Variants in AMMECR1L observed in about 807,000 individuals in gnomAD.
AMMECR1L encodes the protein AMMECR1-like protein.
A neutral mutation model predicts 36.8 loss-of-function variants in AMMECR1L; 4 were observed. That is an observed-to-expected ratio of 0.11 (90% CI 0.05 to 0.25). AMMECR1L has a LOEUF of 0.25. Among genes scored for constraint, AMMECR1L ranks in the 10% least tolerant of loss-of-function variants. The pLI is 1.00. For missense variants in AMMECR1L, 232 were observed against 392.1 expected, an observed-to-expected ratio of 0.59 and a Z score of 3.45; for synonymous variants, 147 against 148.0, an observed-to-expected ratio of 0.99 and a Z score of 0.05.
rs774990044 is a variant in AMMECR1L at position 127,869,583 on chromosome 2, T to C, written c.634-39A>G. 2 of 1,517,570 alleles carry C rather than the reference T, an allele frequency of 1.3e-6. No individual in the cohort carries two copies. Among genetic ancestry groups the C allele is most frequent in the Non-Finnish European group, 1.8e-6 (2 of 1,092,314 alleles). The allele number at this position is 1,517,570 out of a possible 1,614,324, so 94.0% of individuals were successfully genotyped here. A position where few individuals can be genotyped will look rare whatever the true frequency, so the allele number is the denominator to read the frequency against. On this transcript the variant is annotated intron_variant, in intron 5 of 7. Transcript: ENST00000272647. This position sits in a 1 kb window ranked among gnomAD's most constrained non-coding sequence, Gnocchi z 4.7. ...TACAACCAAGTAAATGGCATTTACTTACTCTAATGGAACTTCAGTCCCCAC... is the reference window on the plus strand; with the variant it reads ...TACAACCAAGTAAATGGCATTTACTCACTCTAATGGAACTTCAGTCCCCAC...
In AMMECR1L at chr2:127,873,648, T is replaced by C; in HGVS notation, c.407+180A>G. The C allele has an allele frequency of 1.0e-6, 1 of 985,472 alleles. No homozygotes were observed. 61.0% of individuals were successfully genotyped at this position (985,472 alleles called of 1,614,324 possible). On this transcript the variant is annotated intron_variant, in intron 3 of 7. Coordinates refer to ENST00000272647, the MANE Select transcript of AMMECR1L (RefSeq NM_001199140.2). The surrounding 1 kb of genome is among the most constrained non-coding windows in gnomAD (Gnocchi z 5.2). ...CTCCTCCAAATGTGAACTGCTCCCT[T>C]CCATTACTGAATCCACTGAATGTTT...
rs893124231 is a variant in AMMECR1L at position 127,862,809 on chromosome 2, C to T, written c.*2285G>A. The T allele has an allele frequency of 6.6e-6, 1 of 152,214 alleles. No individual in the cohort carries two copies. Among genetic ancestry groups the T allele is most frequent in the African/African-American group, 2.4e-5 (1 of 41,334 alleles). 9.4% of individuals were successfully genotyped at this position (152,214 alleles called of 1,614,324 possible). A position where few individuals can be genotyped will look rare whatever the true frequency, so the allele number is the denominator to read the frequency against. On this transcript the variant is annotated 3_prime_UTR_variant, in exon 8 of 8. Transcript: ENST00000272647. ...CACTGATTTTTTTTTCCCCATTTCTCGGGTTTTAAAATTTTCTATTCATTT... is the reference window on the plus strand; with the variant it reads ...CACTGATTTTTTTTTCCCCATTTCTTGGGTTTTAAAATTTTCTATTCATTT...
rs529201592 is a variant in AMMECR1L, at chr2:127,882,359, C to T, written c.-39+1844G>A. 5.3e-5 allele frequency among the ~76,000 whole-genome samples: 8 copies of T among 152,300 alleles called. No homozygotes were observed. In the East Asian group the frequency reaches 1.3e-3, roughly 26 times the overall value. ...GAACAAGCTGTTGTTTCCTTTGTGA[C>T]ACAGAGTTGACTTGAAATTCAATTT... On this transcript the variant is annotated intron_variant, in intron 2 of 7. Transcript: ENST00000272647.
rs1441279706 is a variant in AMMECR1L, at chr2:127,873,981, G to A, written c.254C>T (p.Ala85Val). 7 of 1,614,232 alleles carry A rather than the reference G, an allele frequency of 4.3e-6. No individual in the cohort carries two copies. Among genetic ancestry groups the A allele is most frequent in the East Asian group, 2.2e-5 (1 of 44,890 alleles). ...PITRMNPASG[A>V]LSPLPRPNGT... ...ATTAGGCCGGGGAAGAGGGCTCAGC[G>A]CTCCCGATGCGGGATTCATTCGTGT... is the stretch of plus-strand genomic sequence containing the variant. The change falls in exon 3 of 8, where the codon GCG becomes GTG. Residue 85 changes from alanine (A) to valine (V), a missense_variant. By Grantham distance (64) the Ala-to-Val change is moderately conservative. Coordinates refer to ENST00000272647, the MANE Select transcript of AMMECR1L (RefSeq NM_001199140.2). The surrounding 1 kb of genome is among the most constrained non-coding windows in gnomAD (Gnocchi z 5.2).
intron 2 of AMMECR1L, among the ~76,000 whole-genome samples, chr2:127,877,109 T>C (rs1272258868): frequency 6.6e-6 from 1 of 151,316 alleles, no homozygotes; most frequent in South Asian, 2.1e-4. Flanking sequence ...TCAATACTTT[T>C]AGCTGCTCTT....
chr2:127,871,455 G>T lies in AMMECR1L; in HGVS notation c.408-96C>A. The T allele has an allele frequency of 7.9e-7, 1 of 1,266,554 alleles. No homozygotes were observed. Among genetic ancestry groups the T allele is most frequent in the Non-Finnish European group, 1.1e-6 (1 of 909,422 alleles). 78.5% of individuals were successfully genotyped at this position (1,266,554 alleles called of 1,614,324 possible). A position where few individuals can be genotyped will look rare whatever the true frequency, so the allele number is the denominator to read the frequency against. Reference sequence around the variant, plus strand: ...TTTGTCCCTATTCATTTCTGTTATTGCCAAAAATCCCTGTTTTTGGACTTG... The same window carrying T: ...TTTGTCCCTATTCATTTCTGTTATTTCCAAAAATCCCTGTTTTTGGACTTG... On this transcript the variant is annotated intron_variant, in intron 3 of 7. Coordinates refer to ENST00000272647, the MANE Select transcript of AMMECR1L (RefSeq NM_001199140.2). This position sits in a 1 kb window ranked among gnomAD's most constrained non-coding sequence, Gnocchi z 4.3.
Position 127,873,938 on chromosome 2 carries a change from A to G in AMMECR1L, c.297T>C (p.Thr99=). 4 of 1,614,194 alleles carry G rather than the reference A, an allele frequency of 2.5e-6. No individual in the cohort carries two copies. Among genetic ancestry groups the G allele is most frequent in the Non-Finnish European group, 8.5e-7 (1 of 1,180,044 alleles). ...TCTCTGCAGTCACCACCAGATTCTT[A>G]GTGGTGTTGGCAGTTCCATTAGGCC... The part of the protein sequence containing the change: ...LPRPNGTANT[T]KNLVVTAEMC... The change falls in exon 3 of 8, where the codon ACT becomes ACC. Residue 99 remains threonine, a synonymous_variant. Transcript: ENST00000272647. The surrounding 1 kb of genome is among the most constrained non-coding windows in gnomAD (Gnocchi z 5.2).
At chr2:127,867,037 A>C (rs1381719001) in intron 6 of AMMECR1L, 41 bp from the exon 7 acceptor site, 22 of 1,611,620 alleles carry the variant, frequency 1.4e-5, no homozygotes, top group Non-Finnish European at 1.9e-5. Flanking sequence ...ATGCACATGC[A>C]AGAGTAAGGC....
intron 2 of AMMECR1L, among the ~76,000 whole-genome samples, chr2:127,880,773 T>TACACACACACACACAC (rs56950354): frequency 6.7e-6 from 1 of 148,904 alleles, no homozygotes; most frequent in Non-Finnish European, 1.5e-5. Context: ...ACATACAGTA[T>TACACACACACACACAC]ACACACACAC....
intron 6 of AMMECR1L, among the ~76,000 whole-genome samples, chr2:127,868,784 G>C (rs1226574940): frequency 6.6e-6 from 1 of 151,948 alleles, no homozygotes; most frequent in Non-Finnish European, 1.5e-5. Flanking sequence ...GAGTGTAATG[G>C]CACGATCTTG....
intron 1 of AMMECR1L, chr2:127,884,965 A>T (rs2104790170): frequency 5.5e-6 from 1 of 181,482 alleles, no homozygotes; most frequent in South Asian, 1.8e-4. Context: ...CTATCCTAGG[A>T]GAGGGCAGTG....
chr2:127,869,326 T>TA lies in AMMECR1L; in HGVS notation c.724+127dup. 1 of 867,558 alleles carries TA rather than the reference T, an allele frequency of 1.2e-6. No homozygotes were observed. The highest frequency in any genetic ancestry group is 1.5e-5 in the South Asian group (1 of 64,568). 53.7% of individuals were successfully genotyped at this position (867,558 alleles called of 1,614,324 possible). On this transcript the variant is annotated intron_variant, in intron 6 of 7. Transcript: ENST00000272647. This position sits in a 1 kb window ranked among gnomAD's most constrained non-coding sequence, Gnocchi z 4.7. ...GGTTCTATAGGAATTTGACAGGTAT[T>TA]AAGAGGCAGAAAGGCCCTCATTCTC...
intron 2 of AMMECR1L, among the ~76,000 whole-genome samples, chr2:127,877,058 T>C (rs1353157864): frequency 6.8e-6 from 1 of 148,104 alleles, no homozygotes; most frequent in African/African-American, 2.5e-5. Flanking sequence ...TATATATATG[T>C]ACATAAAGGG....
intron 6 of AMMECR1L, among the ~76,000 whole-genome samples, chr2:127,868,302 T>C (rs1054416191): frequency 6.6e-6 from 1 of 152,210 alleles, no homozygotes; most frequent in South Asian, 2.1e-4. Flanking sequence ...AATTATTTAC[T>C]TAAGTTATTA....
chr2:127,876,637 G>A (rs1013146043), intron 2 of AMMECR1L, among the ~76,000 whole-genome samples: 1 of 152,086 alleles, frequency 6.6e-6, no homozygotes, highest in Non-Finnish European at 1.5e-5. Flanking sequence ...GTTCCTCCAC[G>A]ATTAACCTCT....
intron 2 of AMMECR1L, among the ~76,000 whole-genome samples, chr2:127,881,032 C>T (rs1691477968): frequency 6.6e-6 from 1 of 152,182 alleles, no homozygotes; most frequent in Admixed American, 6.5e-5. Flanking sequence ...CCTAAATTCA[C>T]TTCTTGGTCC....
In AMMECR1L at chr2:127,873,040, C is replaced by T; in HGVS notation, c.407+788G>A. ...TTTTCTTCACACCCTCTCCATGCCC[C>T]AGCCAAGGTTTTGTAGTCTCCGTAT... On this transcript the variant is annotated intron_variant, in intron 3 of 7. Coordinates refer to ENST00000272647, the MANE Select transcript of AMMECR1L (RefSeq NM_001199140.2). The surrounding 1 kb of genome is among the most constrained non-coding windows in gnomAD (Gnocchi z 5.2). 1.0e-6 allele frequency: 1 copy of T among 985,300 alleles called. No homozygotes were observed. The allele number at this position is 985,300 out of a possible 1,614,324, so 61.0% of individuals were successfully genotyped here.
Position 127,874,101 on chromosome 2 carries a change from C to T in AMMECR1L, c.134G>A (p.Ser45Asn). 1.2e-6 allele frequency: 2 copies of T among 1,614,192 alleles called. No homozygotes were observed. The highest frequency in any genetic ancestry group is 2.2e-5 in the South Asian group (2 of 91,078). The change falls in exon 3 of 8, where the codon AGT becomes AAT. Residue 45 changes from serine to asparagine, a missense_variant. Ser to Asn is a conservative substitution (Grantham distance 46). Coordinates refer to ENST00000272647, the MANE Select transcript of AMMECR1L (RefSeq NM_001199140.2). This position sits in a 1 kb window ranked among gnomAD's most constrained non-coding sequence, Gnocchi z 5.2. ...GNQSTTVPGS[S>N]SGPLQNHQHV... ...CTGGTGGTTTTGAAGAGGTCCTGAACTAGAGCCGGGGACAGTTGTGGACTG... is the reference window on the plus strand; with the variant it reads ...CTGGTGGTTTTGAAGAGGTCCTGAATTAGAGCCGGGGACAGTTGTGGACTG...
rs758241815 is a variant in AMMECR1L at position 127,869,512 on chromosome 2, A to G, written c.666T>C (p.Ile222=). Residue 222 remains isoleucine (I), a synonymous_variant, in exon 6 of 8, where the codon ATT becomes ATC. Transcript: ENST00000272647. The surrounding 1 kb of genome is among the most constrained non-coding windows in gnomAD (Gnocchi z 4.7). ...VGVHGIRIEF[I]NEKGVKRTAT... ...CTGTGCGTTTGACACCTTTTTCATT[A>G]ATGAATTCAATTCGAATCCCATGGA... 3 of 1,614,110 alleles carry G rather than the reference A, an allele frequency of 1.9e-6. No homozygotes were observed. Among genetic ancestry groups the G allele is most frequent in the East Asian group, 4.5e-5 (2 of 44,882 alleles).
Sources: allele counts gnomAD v4.1 joint callset (sites outside exome capture counted in the v4.1 genomes callset), GRCh38; gene constraint gnomAD v4.1.1; non-coding constraint Gnocchi (gnomAD v3.1); transcripts MANE v1.5; gene names NCBI Gene and HGNC (gene_info 2026-07-23, HGNC 2026-07-21).